Variants in SPTB observed in about 807,000 individuals in gnomAD.
SPTB encodes the protein spectrin beta chain, erythrocytic.
In SPTB, 45 loss-of-function variants were observed where a neutral mutation model predicts 256.2. The observed-to-expected ratio is 0.18, with a 90% CI of 0.14 to 0.23. The LOEUF is 0.23. Ranked by LOEUF, SPTB falls within the 10% of genes least tolerant of loss-of-function variation. The pLI is 1.00. For synonymous variants in SPTB, 1,231 were observed against 1,243.1 expected, an observed-to-expected ratio of 0.99 and a Z score of 0.21; for missense variants, 2,715 against 3,040.4, an observed-to-expected ratio of 0.89 and a Z score of 2.52.
chr14:64,805,913 G>T (rs1355194243), intron 2 of SPTB, among the ~76,000 whole-genome samples: 1 of 152,126 alleles, frequency 6.6e-6, no homozygotes, highest in South Asian at 2.1e-4. Context: ...GCGGCTTTAC[G>T]CTATCTTTCT....
Position 64,793,688 on chromosome 14 carries a change from T to C in SPTB, c.1975A>G (p.Ile659Val), listed in dbSNP as rs1210232258. 2.5e-6 allele frequency: 4 copies of C among 1,614,158 alleles called. No individual in the cohort carries two copies. Among genetic ancestry groups the C allele is most frequent in the Non-Finnish European group, 3.4e-6 (4 of 1,180,042 alleles). Residue 659 changes from isoleucine to valine, a missense_variant, in exon 14 of 36, where the codon ATC becomes GTC. This residue lies in a region of SPTB where 2,239 missense variants were observed against 2,384.4 expected (regional missense o/e 0.94). Coordinates refer to ENST00000644917, the MANE Select transcript of SPTB (RefSeq NM_001355436.2). This position sits in a 1 kb window ranked among gnomAD's most constrained non-coding sequence, Gnocchi z 7.0. ...TTGCCATAGTCCAGGGAAGAATAGATCTGCTCCTTCTCCTTGATCCAGCTC... is the reference window on the plus strand; with the variant it reads ...TTGCCATAGTCCAGGGAAGAATAGACCTGCTCCTTCTCCTTGATCCAGCTC... ...AESWIKEKEQ[I>V]YSSLDYGKDL...
At position 64,787,000 on chromosome 14, in the gene SPTB, C is replaced by A. The variant is rs541056104; in HGVS notation, c.2965G>T (p.Gly989Cys). The A allele has an allele frequency of 6.2e-7, 1 of 1,614,190 alleles. No individual in the cohort carries two copies. Among genetic ancestry groups the A allele is most frequent in the African/African-American group, 1.3e-5 (1 of 75,068 alleles). Residue 989 changes from glycine to cysteine, a missense_variant, in exon 16 of 36, where the codon GGT (glycine) becomes TGT (cysteine). Physicochemically the swap from Gly to Cys is radical, Grantham distance 159. Coordinates refer to ENST00000644917, the MANE Select transcript of SPTB (RefSeq NM_001355436.2). The surrounding 1 kb of genome is among the most constrained non-coding windows in gnomAD (Gnocchi z 5.6). ...AACTTCCTCTGGATGGCGATGATAC[C>A]TGCCAGGTCCCGCCCCAGGTCTTTT... ...STKDLGRDLA[G>C]IIAIQRKLSG...
intron 30 of SPTB, 78 bp from the exon 31 acceptor site, chr14:64,767,430 G>A (rs11623016): frequency 0.12 from 183,016 of 1,581,014 alleles, 14,249 homozygotes; most frequent in African/African-American, 0.39. Flanking sequence ...CTCTGGATGC[G>A]GCCCTGCACC....
At chr14:64,799,681 C>A in intron 9 of SPTB, 66 bp downstream of exon 9, 1 of 1,590,440 alleles carries the variant, frequency 6.3e-7, no homozygotes, top group South Asian at 1.1e-5. Flanking sequence ...CAGAACCTGG[C>A]TCTACCTTTT....
chr14:64,867,848 T>G (rs1379816770), intron 1 of SPTB, among the ~76,000 whole-genome samples: 1 of 127,522 alleles, frequency 7.8e-6, no homozygotes, highest in South Asian at 2.4e-4. Flanking sequence ...GGCAACAGGG[T>G]GACTCTGTCT....
At chr14:64,797,502 AG>A (rs771525838) in intron 10 of SPTB, among the ~76,000 whole-genome samples, 4,185 of 116,928 alleles carry the variant, frequency 0.036, 320 homozygotes, top group East Asian at 0.27. Context: ...AAAAAAAAAA[AG>A]GACTCAGGGA....
At chr14:64,783,206 TAA>T (rs1203737642) in intron 19 of SPTB, among the ~76,000 whole-genome samples, 5 of 144,302 alleles carry the variant, frequency 3.5e-5, no homozygotes, top group African/African-American at 1.5e-4. Flanking sequence ...TAATAATAGT[TAA>T]TTTTTTTTTT....
chr14:64,780,587 AT>A (rs1482531627), intron 20 of SPTB, among the ~76,000 whole-genome samples: 1 of 152,138 alleles, frequency 6.6e-6, no homozygotes, highest in Non-Finnish European at 1.5e-5. Flanking sequence ...CTAGTTTTGT[AT>A]TTTTAGTAGA....
rs1327251221 is a variant in SPTB at position 64,794,000 on chromosome 14, A to AG, written c.1796-134dup. 1.3e-5 allele frequency: 10 copies of AG among 764,666 alleles called. No individual in the cohort carries two copies. The highest frequency in any genetic ancestry group is 1.8e-5 in the African/African-American group (1 of 57,018). The allele number at this position is 764,666 out of a possible 1,614,324, so 47.4% of individuals were successfully genotyped here. On this transcript the variant is annotated intron_variant, in intron 13 of 35. Coordinates refer to ENST00000644917, the MANE Select transcript of SPTB (RefSeq NM_001355436.2). The surrounding 1 kb of genome is among the most constrained non-coding windows in gnomAD (Gnocchi z 7.0). ...TCACTGGGGCTTTGGGGTTGGATGC[A>AG]GGGGGGTCCCAGTTGCTCAGAGGGT...
At position 64,874,375 on chromosome 14, in the gene SPTB, TTC is replaced by T. The variant is rs1312007091; in HGVS notation, c.-52+5415_-52+5416del. Among the ~76,000 whole-genome samples the T allele has an allele frequency of 3.3e-5, 5 of 152,338 alleles. No individual in the cohort carries two copies. In the South Asian group the frequency reaches 8.3e-4, roughly 25 times the overall value. On this transcript the variant is annotated intron_variant, in intron 1 of 35. Transcript: ENST00000644917. ...GGCCATTTTCGCACCAGATCAGTGA[TTC>T]TCCATCTGATCTCTTTGTGTGTCTT...
At chr14:64,868,027 G>T (rs1882295974) in intron 1 of SPTB, among the ~76,000 whole-genome samples, 1 of 152,212 alleles carries the variant, frequency 6.6e-6, no homozygotes, top group South Asian at 2.1e-4. Context: ...ATAAAGCTAG[G>T]AAGAGAGGTC....
Position 64,796,682 on chromosome 14 carries a change from G to T in SPTB, c.1216C>A (p.Arg406=), listed in dbSNP as rs779318405. Reference sequence around the variant, plus strand: ...AGCTCATTTCTCAGGGCCAGCTCCCGCCGATACTCAGCTTCCTCCAGGCTT... The same window carrying T: ...AGCTCATTTCTCAGGGCCAGCTCCCTCCGATACTCAGCTTCCTCCAGGCTT... The part of the protein sequence containing the change: ...WESLEEAEYR[R]ELALRNELIR... Residue 406 remains arginine, a synonymous_variant, in exon 11 of 36, where the codon CGG becomes AGG. Transcript: ENST00000644917. This position sits in a 1 kb window ranked among gnomAD's most constrained non-coding sequence, Gnocchi z 4.1. 6.2e-7 allele frequency: 1 copy of T among 1,614,048 alleles called. No homozygotes were observed. The highest frequency in any genetic ancestry group is 1.3e-5 in the African/African-American group (1 of 74,922).
rs114711935 is a variant in SPTB at position 64,747,415 on chromosome 14, G to A, written c.*1891C>T. 3.3e-5 allele frequency: 5 copies of A among 152,782 alleles called. No homozygotes were observed. Among genetic ancestry groups the A allele is most frequent in the African/African-American group, 9.6e-5 (4 of 41,574 alleles). The allele number at this position is 152,782 out of a possible 1,614,324, so 9.5% of individuals were successfully genotyped here. On this transcript the variant is annotated 3_prime_UTR_variant, in exon 36 of 36. Transcript: ENST00000644917. ...TCCCCAGATACAGAAAGAGGCTGGT[G>A]AGTGATACACACTAGGTTCCCTGTA...
rs758308830 is a variant in SPTB, at chr14:64,772,916, G to C, written c.5217C>G (p.Thr1739=). ...RDKFRDFARE[T]GAIGQERVDN... is the part of the protein sequence containing the mutation. Reference sequence around the variant, plus strand: ...CCACCCGCTCCTGCCCAATCGCCCCGGTCTCCCGGGCAAAGTCCCGGAACT... The same window carrying C: ...CCACCCGCTCCTGCCCAATCGCCCCCGTCTCCCGGGCAAAGTCCCGGAACT... The change falls in exon 26 of 36, where the codon ACC becomes ACG. Residue 1739 remains threonine (T), a synonymous_variant. Transcript: ENST00000644917. This position sits in a 1 kb window ranked among gnomAD's most constrained non-coding sequence, Gnocchi z 5.4. 2 of 1,603,924 alleles carry C rather than the reference G, an allele frequency of 1.2e-6. No individual in the cohort carries two copies. Among genetic ancestry groups the C allele is most frequent in the Non-Finnish European group, 8.5e-7 (1 of 1,173,876 alleles).
At chr14:64,809,321 G>A (rs2139656522) in intron 2 of SPTB, among the ~76,000 whole-genome samples, 1 of 150,750 alleles carries the variant, frequency 6.6e-6, no homozygotes, top group East Asian at 2.0e-4. Context: ...ATAGCTACAG[G>A]TTAGAGAAAA....
At chr14:64,840,430 T>C (rs1188647462) in intron 1 of SPTB, among the ~76,000 whole-genome samples, 1 of 152,206 alleles carries the variant, frequency 6.6e-6, no homozygotes, top group Non-Finnish European at 1.5e-5. Flanking sequence ...AAAGCATCTT[T>C]TATAAATACT....
intron 9 of SPTB, 51 bp from the exon 10 acceptor site, chr14:64,797,897 AT>A (rs747100386): frequency 2.8e-6 from 4 of 1,428,478 alleles, no homozygotes; most frequent in Non-Finnish European, 4.0e-6. Context: ...TCATGGCCAA[AT>A]TTTTTTGCTA....
At chr14:64,774,603 C>A in intron 23 of SPTB, 76 bp from the exon 24 acceptor site, 1 of 1,546,622 alleles carries the variant, frequency 6.5e-7, no homozygotes, top group Non-Finnish European at 8.7e-7. Context: ...TGCCCCCACT[C>A]CTGGAGGTGC....
intron 32 of SPTB, among the ~76,000 whole-genome samples, chr14:64,763,533 C>A (rs2082122817): frequency 6.6e-6 from 1 of 152,244 alleles, no homozygotes; most frequent in Admixed American, 6.5e-5. Context: ...CTGTAATTTG[C>A]TAAATTGCTG....
Sources: allele counts gnomAD v4.1 joint callset (sites outside exome capture counted in the v4.1 genomes callset), GRCh38; gene constraint gnomAD v4.1.1; regional missense constraint gnomAD v4.1.1; non-coding constraint Gnocchi (gnomAD v3.1); transcripts MANE v1.5; gene names NCBI Gene and HGNC (gene_info 2026-07-23, HGNC 2026-07-21).